Variants in PJVK observed in about 807,000 individuals in gnomAD.
PJVK encodes the protein pejvakin, also known as autosomal recessive deafness type 59 protein.
In PJVK, 33 loss-of-function variants were observed where a neutral mutation model predicts 37.6. That is an observed-to-expected ratio of 0.88 (90% confidence interval 0.67 to 1.17). The LOEUF (loss-of-function observed/expected upper bound fraction) is 1.17. Ranked by LOEUF, PJVK falls within the 50% of genes most tolerant of loss-of-function variation. PJVK has a pLI of 0.00. For missense variants in PJVK, 410 were observed against 413.8 expected (o/e 0.99, Z 0.08); for synonymous variants, 141 against 143.5 (o/e 0.98, Z 0.13).
rs753767111 is a variant in PJVK at position 178,454,551 on chromosome 2, T to C, written c.407+24T>C. Reference sequence around the variant, plus strand: ...CGGTCAGTATAATAATCCTAATATATTTCAGTGTTTTCATTAAATACTTTA... The same window carrying C: ...CGGTCAGTATAATAATCCTAATATACTTCAGTGTTTTCATTAAATACTTTA... On this transcript the variant is annotated intron_variant, in intron 3 of 6. Coordinates refer to ENST00000644580, the MANE Select transcript of PJVK (RefSeq NM_001042702.5). The C allele has an allele frequency of 2.5e-6, 4 of 1,598,250 alleles. No homozygotes were observed. The Admixed American group carries it at 6.7e-5, about 27-fold the overall frequency.
At chr2:178,455,635 T>C (rs1254233678) in intron 3 of PJVK, among the ~76,000 whole-genome samples, 1 of 150,714 alleles carries the variant, frequency 6.6e-6, no homozygotes, top group Non-Finnish European at 1.5e-5. Context: ...TAAAATGATT[T>C]GCCCAGCTAA....
Position 178,453,487 on chromosome 2 carries a change from T to G in PJVK, c.78T>G (p.Ser26Arg), listed in dbSNP as rs1697837389. The G allele has an allele frequency of 2.5e-6, 4 of 1,614,140 alleles. No individual in the cohort carries two copies. Among genetic ancestry groups the G allele is most frequent in the Non-Finnish European group, 2.5e-6 (3 of 1,180,006 alleles). ...GATTAGTTCCTGTTCCAAGCCTCAG[T>G]GAAGCTGACAAATATCAACCTCTAA... ...GGRLVPVPSLSEADKYQPLSL... is the reference protein window; with the variant it reads ...GGRLVPVPSLREADKYQPLSL... The change falls in exon 2 of 7, where the codon AGT becomes AGG. Residue 26 changes from serine to arginine, a missense_variant. Transcript: ENST00000644580.
chr2:178,453,720 A>T, intron 2 of PJVK, 100 bp downstream of exon 2: 1 of 1,030,640 alleles, frequency 9.7e-7, no homozygotes, highest in Non-Finnish European at 1.5e-6. Context: ...ACACATTTTC[A>T]ATGATTAAAG....
intron 4 of PJVK, among the ~76,000 whole-genome samples, chr2:178,456,937 A>C (rs1188962363): frequency 6.6e-6 from 1 of 152,206 alleles, no homozygotes; most frequent in South Asian, 2.1e-4. Flanking sequence ...TAAGTGATAG[A>C]GTTTTTACAC....
At chr2:178,453,149 T>G in intron 1 of PJVK, 1 of 434,800 alleles carries the variant, frequency 2.3e-6, no homozygotes, top group Non-Finnish European at 4.3e-6. Flanking sequence ...TCTGTGTATA[T>G]TTTAGTGCTA....
intron 5 of PJVK, 33 bp from the exon 6 acceptor site, chr2:178,460,313 CAA>C (rs1684403763): frequency 6.7e-7 from 1 of 1,499,002 alleles, no homozygotes; most frequent in African/African-American, 1.4e-5. Flanking sequence ...ATGAATTATT[CAA>C]GTTATAACAT....
intron 3 of PJVK, 118 bp downstream of exon 3, chr2:178,454,645 G>C: frequency 7.0e-7 from 1 of 1,431,368 alleles, no homozygotes; most frequent in South Asian, 1.2e-5. Context: ...TAATTTGCTA[G>C]ATATGTTTGA....
chr2:178,458,892 C>T (rs1684298134), intron 5 of PJVK, among the ~76,000 whole-genome samples: 1 of 152,120 alleles, frequency 6.6e-6, no homozygotes, highest in African/African-American at 2.4e-5. Flanking sequence ...AGCTAAAATG[C>T]CATCTACTGA....
intron 3 of PJVK, 140 bp downstream of exon 3, chr2:178,454,667 A>G: frequency 7.1e-7 from 1 of 1,413,544 alleles, no homozygotes; most frequent in Non-Finnish European, 9.8e-7. Context: ...ATACATTGGT[A>G]GTATATCCAA....
chr2:178,452,430 C>T (rs1697741260), intron 1 of PJVK: 10 of 985,124 alleles, frequency 1.0e-5, no homozygotes, highest in Non-Finnish European at 6.0e-6. Context: ...TTCTCTCTTC[C>T]TCTCCGTCTA....
At chr2:178,456,310 A>AT in intron 4 of PJVK, 159 bp downstream of exon 4, 2 of 830,360 alleles carry the variant, frequency 2.4e-6, no homozygotes, top group Non-Finnish European at 3.7e-6. Context: ...GTTCTAGAAT[A>AT]TGAAAAAAAA....
At chr2:178,454,072 C>T in intron 2 of PJVK, 1 of 363,554 alleles carries the variant, frequency 2.8e-6, no homozygotes, top group African/African-American at 2.1e-5. Flanking sequence ...CTTATTTTTT[C>T]TTTTAATTGC....
intron 5 of PJVK, chr2:178,459,809 G>C (rs1323812705): frequency 6.5e-6 from 1 of 154,106 alleles, no homozygotes; most frequent in Admixed American, 6.5e-5. Flanking sequence ...TTATCCTACA[G>C]ATATATTTAC....
chr2:178,455,912 G>A lies in PJVK; in HGVS notation c.408-98G>A. ...TAGGATTGCCTTGATTTACTATTAG[G>A]TGAACTATGAATGAATAACACATGA... On this transcript the variant is annotated intron_variant, in intron 3 of 6. Transcript: ENST00000644580. The A allele has an allele frequency of 4.4e-6, 6 of 1,373,202 alleles. No homozygotes were observed. In the South Asian group the frequency reaches 5.1e-5, roughly 12 times the overall value. 85.1% of individuals were successfully genotyped at this position (1,373,202 alleles called of 1,614,324 possible). A position where few individuals can be genotyped will look rare whatever the true frequency, so the allele number is the denominator to read the frequency against.
At chr2:178,457,395 A>G (rs1385271209) in intron 4 of PJVK, among the ~76,000 whole-genome samples, 2 of 152,210 alleles carry the variant, frequency 1.3e-5, no homozygotes, top group African/African-American at 2.4e-5. Flanking sequence ...ATAGGAAGAC[A>G]GCTTGGGACC....
chr2:178,460,828 G>A (rs1307847524), intron 6 of PJVK, among the ~76,000 whole-genome samples, 154 bp from the exon 7 acceptor site: 1 of 116,626 alleles, frequency 8.6e-6, no homozygotes, highest in Non-Finnish European at 1.6e-5. Flanking sequence ...CAGCTTGGGT[G>A]ACAGAGCCAG....
Position 178,453,659 on chromosome 2 carries a change from G to A in PJVK, c.211+39G>A, listed in dbSNP as rs192024316. On this transcript the variant is annotated intron_variant, in intron 2 of 6. Coordinates refer to ENST00000644580, the MANE Select transcript of PJVK (RefSeq NM_001042702.5). Reference sequence around the variant, plus strand: ...TTTGGGAGTGCCAACTCATTCATCTGTATTATTGGCAACCTAAACATAGGT... The same window carrying A: ...TTTGGGAGTGCCAACTCATTCATCTATATTATTGGCAACCTAAACATAGGT... The A allele has an allele frequency of 1.6e-3, 2,491 of 1,542,382 alleles. 47 individuals carry two copies. In the South Asian group the frequency reaches 0.018, roughly 11 times the overall value.
chr2:178,457,582 C>CATG (rs1684204968), intron 4 of PJVK, among the ~76,000 whole-genome samples: 1 of 95,296 alleles, frequency 1.0e-5, no homozygotes, highest in Non-Finnish European at 2.0e-5. Context: ...TTTGAAAAGC[C>CATG]GTGCTTTTGT....
At chr2:178,460,211 T>C (rs1039401002) in intron 5 of PJVK, 137 bp from the exon 6 acceptor site, 4 of 747,820 alleles carry the variant, frequency 5.3e-6, no homozygotes, top group Non-Finnish European at 6.7e-6. Flanking sequence ...ATGTGAATGT[T>C]ACCTTTTCCA....
Sources: allele counts gnomAD v4.1 joint callset (sites outside exome capture counted in the v4.1 genomes callset), GRCh38; gene constraint gnomAD v4.1.1; transcripts MANE v1.5; gene names NCBI Gene and HGNC (gene_info 2026-07-23, HGNC 2026-07-21).